PDE1C: variants seen among roughly 807,000 people sequenced by gnomAD.
PDE1C encodes phosphodiesterase 1C.
A neutral mutation model predicts 93.1 loss-of-function variants in PDE1C; 62 were observed. That is an observed-to-expected ratio of 0.67 (90% CI 0.54 to 0.82). The LOEUF is 0.82. PDE1C is among the 40% of genes least tolerant of loss of function. The pLI is 0.00. For missense variants in PDE1C, 742 were observed against 884.6 expected, an observed-to-expected ratio of 0.84 and a Z score of 2.04; for synonymous variants, 325 against 310.1, an observed-to-expected ratio of 1.05 and a Z score of -0.50.
At chr7:31,976,799 T>C (rs1261722166) in intron 2 of PDE1C, among the ~76,000 whole-genome samples, 1 of 152,164 alleles carries the variant, frequency 6.6e-6, no homozygotes, top group Non-Finnish European at 1.5e-5. Flanking sequence ...GTACTTAGAA[T>C]AAAAAGCAAA....
chr7:31,916,121 T>C (rs1244071422), intron 2 of PDE1C, among the ~76,000 whole-genome samples: 1 of 152,084 alleles, frequency 6.6e-6, no homozygotes, highest in Non-Finnish European at 1.5e-5. Flanking sequence ...GAGAGCAACC[T>C]TCCTATGTTT....
chr7:32,398,797 G>T (rs73305832), intron 1 of PDE1C, among the ~76,000 whole-genome samples: 6,243 of 151,802 alleles, frequency 0.041, 309 homozygotes, highest in African/African-American at 0.12. Flanking sequence ...TCCATTCTTC[G>T]GCACATTCTC....
the PDE1C span, among the ~76,000 whole-genome samples, chr7:31,670,845 A>G: frequency 3.9e-5 from 6 of 152,044 alleles, no homozygotes; most frequent in African/African-American, 1.4e-4. Context: ...CATAAAAACC[A>G]CAGGATCCAC....
chr7:32,087,675 A>G (rs944910312), intron 3 of PDE1C, among the ~76,000 whole-genome samples: 2 of 152,212 alleles, frequency 1.3e-5, no homozygotes, highest in African/African-American at 4.8e-5. Flanking sequence ...GCAGCCATAA[A>G]AAAGGATGAG....
chr7:32,286,062 T>C (rs147474100), intron 1 of PDE1C, among the ~76,000 whole-genome samples: 67 of 152,286 alleles, frequency 4.4e-4, no homozygotes, highest in African/African-American at 1.6e-3. Context: ...AACTAATGTT[T>C]GTAAGAAAAT....
At chr7:31,821,543 C>T (rs1282687556) in intron 14 of PDE1C, among the ~76,000 whole-genome samples, 1 of 152,066 alleles carries the variant, frequency 6.6e-6, no homozygotes, top group African/African-American at 2.4e-5. Flanking sequence ...TCGCTGCTTG[C>T]AATGCCTGCC....
At chr7:31,652,766 G>A in the PDE1C span, 35 of 1,613,820 alleles carry the variant, frequency 2.2e-5, no homozygotes, top group South Asian at 3.7e-4. Context: ...CTTGGGCAAA[G>A]TTAGGTCCAA....
rs1323928649 is a variant in PDE1C at position 32,085,175 on chromosome 7, C to T, written c.308+84610G>A. Among the ~76,000 whole-genome samples, 11 of 151,956 alleles carry T rather than the reference C, an allele frequency of 7.2e-5. No homozygotes were observed. In the East Asian group the frequency reaches 2.1e-3, roughly 29 times the overall value. Reference sequence around the variant, plus strand: ...ATAAAAAATGATAAAGGAGATATCACCACGGATCCCACAGAAATACAAACT... The same window carrying T: ...ATAAAAAATGATAAAGGAGATATCATCACGGATCCCACAGAAATACAAACT... On this transcript the variant is annotated intron_variant, in intron 3 of 18. Coordinates refer to the PDE1C transcript ENST00000396193.
At chr7:32,139,587 G>GA (rs1800405252) in intron 3 of PDE1C, among the ~76,000 whole-genome samples, 1 of 152,064 alleles carries the variant, frequency 6.6e-6, no homozygotes, top group Non-Finnish European at 1.5e-5. Context: ...GAATCCAGGG[G>GA]TTTTTCCAGG....
the PDE1C span, among the ~76,000 whole-genome samples, chr7:31,705,246 C>T: frequency 6.6e-6 from 1 of 152,070 alleles, no homozygotes; most frequent in Non-Finnish European, 1.5e-5. Context: ...ATTAAGTTTC[C>T]AGGGTACCAA....
chr7:32,036,671 C>T (rs375639967), intron 2 of PDE1C, among the ~76,000 whole-genome samples: 1 of 152,250 alleles, frequency 6.6e-6, no homozygotes, highest in South Asian at 2.1e-4. Flanking sequence ...TGGCAAGCAA[C>T]ATTATGTCAA....
At chr7:32,144,820 T>A (rs1264809406) in intron 3 of PDE1C, among the ~76,000 whole-genome samples, 2 of 152,142 alleles carry the variant, frequency 1.3e-5, no homozygotes, top group Non-Finnish European at 2.9e-5. Context: ...CCCCTTAATG[T>A]AAATGATGAA....
At chr7:32,306,485 C>T (rs190938897) in intron 1 of PDE1C, among the ~76,000 whole-genome samples, 104 of 152,290 alleles carry the variant, frequency 6.8e-4, no homozygotes, top group African/African-American at 2.3e-3. Flanking sequence ...CCTATCCACA[C>T]ACGACCCCAC....
At chr7:31,750,334 A>T (rs1794095552), downstream of PDE1C, among the ~76,000 whole-genome samples, 1 of 152,104 alleles carries the variant, frequency 6.6e-6, no homozygotes. Flanking sequence ...AAATTGTTGG[A>T]GGTGGGGATG....
At chr7:31,738,567 C>T in the PDE1C span, among the ~76,000 whole-genome samples, 36 of 152,254 alleles carry the variant, frequency 2.4e-4, no homozygotes, top group South Asian at 6.4e-3. Context: ...CACTGCCAAG[C>T]CATATCACAG....
At chr7:31,854,210 A>G (rs543227047) in intron 7 of PDE1C, among the ~76,000 whole-genome samples, 5 of 152,156 alleles carry the variant, frequency 3.3e-5, no homozygotes, top group Admixed American at 1.3e-4. Context: ...TGGCTAATAA[A>G]CCCCTCAGGT....
At chr7:31,769,361 C>T (rs112823121) in intron 17 of PDE1C, among the ~76,000 whole-genome samples, 1 of 152,134 alleles carries the variant, frequency 6.6e-6, no homozygotes, top group African/African-American at 2.4e-5. Context: ...GTTTCCTCAC[C>T]CTTGATGTAG....
intron 16 of PDE1C, chr7:31,788,087 C>CA (rs1252195323): frequency 6.6e-6 from 1 of 152,056 alleles, no homozygotes; most frequent in African/African-American, 2.4e-5. Flanking sequence ...AAATGAAAAA[C>CA]ATTTCCATTT....
the PDE1C span, among the ~76,000 whole-genome samples, chr7:31,630,244 C>CAAAAAAAAAAAAAAAAAAAAAATTGAAA: frequency 9.6e-6 from 1 of 103,720 alleles, no homozygotes; most frequent in Non-Finnish European, 1.8e-5. Context: ...GTCTACTTGG[C>CAAAAAAAAAAAAAAAAAAAAAATTGAAA]AAAAAAAAAA....
Sources: gnomAD v4.1 joint callset for allele counts (sites outside exome capture counted in the v4.1 genomes callset) on GRCh38, gnomAD v4.1.1 for gene constraint, MANE v1.5 for transcripts, NCBI Gene and HGNC (gene_info 2026-07-23, HGNC 2026-07-21) for gene names.